Variants in PDE9A observed in about 807,000 individuals in gnomAD.
PDE9A encodes the protein phosphodiesterase 9A.
In PDE9A, 60 loss-of-function variants were observed where a neutral mutation model predicts 87.4. That is an observed-to-expected ratio of 0.69 (90% CI 0.56 to 0.85). The LOEUF (loss-of-function observed/expected upper bound fraction) is 0.85, where lower values mean the gene tolerates loss of function less well. PDE9A is among the 40% of genes least tolerant of loss of function. PDE9A has a pLI of 0.00. For synonymous variants in PDE9A, 272 were observed against 279.4 expected (o/e 0.97, Z 0.27); for missense variants, 665 against 779.0 (o/e 0.85, Z 1.74).
chr21:42,665,582 A>T (rs996859201), intron 1 of PDE9A, among the ~76,000 whole-genome samples: 1 of 151,910 alleles, frequency 6.6e-6, no homozygotes, highest in African/African-American at 2.4e-5. Flanking sequence ...GCCACCCCCG[A>T]CCTTGCTCTG....
chr21:42,755,827 G>A (rs898829995), intron 10 of PDE9A, among the ~76,000 whole-genome samples: 2 of 152,216 alleles, frequency 1.3e-5, no homozygotes, highest in Non-Finnish European at 2.9e-5. Context: ...AAGTCATTTT[G>A]ACCTCAGCCT....
chr21:42,754,188 A>AG (rs1253057974), intron 10 of PDE9A, 124 bp downstream of exon 10: 13 of 607,366 alleles, frequency 2.1e-5, no homozygotes, highest in Non-Finnish European at 2.9e-6. Flanking sequence ...TAAAGACTGA[A>AG]AAAAAAAAAC....
chr21:42,724,488 C>T (rs142968520), intron 4 of PDE9A: 312 of 454,762 alleles, frequency 6.9e-4, no homozygotes, highest in African/African-American at 6.2e-3. Context: ...CTGATCAGGG[C>T]TCTGTTTGTG....
At position 42,769,181 on chromosome 21, in the gene PDE9A, A is replaced by G. The variant is rs202031910; in HGVS notation, c.1590+26A>G. 8.7e-6 allele frequency: 14 copies of G among 1,606,348 alleles called. No individual in the cohort carries two copies. In the African/African-American group the frequency reaches 1.9e-4, roughly 21 times the overall value. On this transcript the variant is annotated intron_variant, in intron 17 of 19. Transcript: ENST00000291539. ...GTGAGTAACTGTCACCACATGTCACACTTGCTTACACTCAGATACATGCAT... is the reference window on the plus strand; with the variant it reads ...GTGAGTAACTGTCACCACATGTCACGCTTGCTTACACTCAGATACATGCAT...
chr21:42,767,899 G>C (rs567917307), intron 15 of PDE9A, among the ~76,000 whole-genome samples: 1 of 152,212 alleles, frequency 6.6e-6, no homozygotes, highest in Non-Finnish European at 1.5e-5. Flanking sequence ...CACCCACCTA[G>C]GGAACAGCAG....
intron 1 of PDE9A, among the ~76,000 whole-genome samples, chr21:42,676,495 A>C (rs1042414332): frequency 1.3e-5 from 2 of 152,194 alleles, no homozygotes; most frequent in Non-Finnish European, 2.9e-5. Context: ...CAATTCCGTC[A>C]TTTCAAGAAT....
At chr21:42,668,907 C>T (rs2058215521) in intron 1 of PDE9A, among the ~76,000 whole-genome samples, 2 of 142,566 alleles carry the variant, frequency 1.4e-5, no homozygotes. Context: ...CACCCCCCGC[C>T]ACGTCCCACG....
chr21:42,775,255 T>C (rs375236213), intron 19 of PDE9A, 25 bp from the exon 20 acceptor site: 21 of 1,611,632 alleles, frequency 1.3e-5, no homozygotes, highest in Non-Finnish European at 1.6e-5. Flanking sequence ...CAAAAACAAA[T>C]CAGTCATCGT....
Position 42,720,796 on chromosome 21 carries a change from G to A in PDE9A, c.263-10974G>A, listed in dbSNP as rs550298667. On this transcript the variant is annotated intron_variant, in intron 4 of 19. Coordinates refer to ENST00000291539, the MANE Select transcript of PDE9A (RefSeq NM_002606.3). Reference sequence around the variant, plus strand: ...CGAGGTGGGCGGATCACCTGAGGTCGGGAGTTCGAGACCAGCCTGGCCAAC... The same window carrying A: ...CGAGGTGGGCGGATCACCTGAGGTCAGGAGTTCGAGACCAGCCTGGCCAAC... 1.7e-4 allele frequency among the ~76,000 whole-genome samples: 26 copies of A among 151,960 alleles called. No individual in the cohort carries two copies. The East Asian group carries it at 2.7e-3, about 16-fold the overall frequency.
chr21:42,755,018 G>T (rs1316688159), intron 10 of PDE9A, among the ~76,000 whole-genome samples: 4 of 152,150 alleles, frequency 2.6e-5, no homozygotes, highest in Non-Finnish European at 5.9e-5. Flanking sequence ...ACAAGAATGG[G>T]GAATTTTTTG....
rs771657672 is a variant in PDE9A, at chr21:42,754,040, C to G, written c.786C>G (p.Asp262Glu). ...AGGCCCTGCGGAAGCCGACCTTTGA[C>G]GTCTGGCTTTGGGAGCCCAATGAGG... Reference protein sequence around the residue: ...TIEALRKPTFDVWLWEPNEML... With the variant: ...TIEALRKPTFEVWLWEPNEML... The change falls in exon 10 of 20, where the codon GAC becomes GAG. Residue 262 changes from aspartate (D) to glutamate (E), a missense_variant. Asp to Glu is a conservative substitution (Grantham distance 45, BLOSUM62 2). Coordinates refer to ENST00000291539, the MANE Select transcript of PDE9A (RefSeq NM_002606.3). The G allele has an allele frequency of 6.2e-7, 1 of 1,612,992 alleles. No homozygotes were observed. Among genetic ancestry groups the G allele is most frequent in the African/African-American group, 1.3e-5 (1 of 74,878 alleles).
intron 4 of PDE9A, among the ~76,000 whole-genome samples, chr21:42,726,552 C>T (rs1001596521): frequency 2.1e-5 from 3 of 141,376 alleles, no homozygotes; most frequent in African/African-American, 8.1e-5. Context: ...ACTACTGAAA[C>T]ACTATTTCCA....
Position 42,692,465 on chromosome 21 carries a change from C to G in PDE9A, c.218+4471C>G, listed in dbSNP as rs191457947. Among the ~76,000 whole-genome samples, 1 of 152,160 alleles carries G rather than the reference C, an allele frequency of 6.6e-6. No homozygotes were observed. The highest frequency in any genetic ancestry group is 2.1e-4 in the South Asian group (1 of 4,822). ...GTCTGAGGTCTCCCCTGTGCTCTGTCGCTGTCCTCTCACCCTCCCCCAATC... is the reference window on the plus strand; with the variant it reads ...GTCTGAGGTCTCCCCTGTGCTCTGTGGCTGTCCTCTCACCCTCCCCCAATC... On this transcript the variant is annotated intron_variant, in intron 3 of 19. Coordinates refer to ENST00000291539, the MANE Select transcript of PDE9A (RefSeq NM_002606.3). The surrounding 1 kb of genome is among the most constrained non-coding windows in gnomAD (Gnocchi z 4.3).
chr21:42,670,730 C>A (rs1017546075), intron 1 of PDE9A, among the ~76,000 whole-genome samples: 1 of 149,370 alleles, frequency 6.7e-6, no homozygotes, highest in Non-Finnish European at 1.5e-5. Flanking sequence ...CAGTCACATA[C>A]ACCCACATTC....
At position 42,759,124 on chromosome 21, in the gene PDE9A, TG is replaced by T. The variant is rs771308155; in HGVS notation, c.897+41del. ...CCGCCTTCGGTTCTTCCTGGGCACGTGGTTTCATCCAGTTCCACAGGAATGG... is the reference window on the plus strand; with the variant it reads ...CCGCCTTCGGTTCTTCCTGGGCACGTGTTTCATCCAGTTCCACAGGAATGG... On this transcript the variant is annotated intron_variant, in intron 11 of 19. Coordinates refer to ENST00000291539, the MANE Select transcript of PDE9A (RefSeq NM_002606.3). The surrounding 1 kb of genome is among the most constrained non-coding windows in gnomAD (Gnocchi z 7.2). 6.8e-7 allele frequency: 1 copy of T among 1,473,094 alleles called. No homozygotes were observed. The highest frequency in any genetic ancestry group is 9.5e-7 in the Non-Finnish European group (1 of 1,052,372). 91.3% of individuals were successfully genotyped at this position (1,473,094 alleles called of 1,614,324 possible).
chr21:42,767,206 C>T (rs1033057647), intron 15 of PDE9A, among the ~76,000 whole-genome samples: 1 of 152,032 alleles, frequency 6.6e-6, no homozygotes, highest in Non-Finnish European at 1.5e-5. Flanking sequence ...AATAGGGAGG[C>T]CTCTGAGGAT....
At chr21:42,752,114 T>C (rs1205977372) in intron 9 of PDE9A, among the ~76,000 whole-genome samples, 1 of 152,134 alleles carries the variant, frequency 6.6e-6, no homozygotes, top group Non-Finnish European at 1.5e-5. Context: ...AGGCCTGGGC[T>C]AAACACAGGT....
chr21:42,766,609 G>A (rs1031772101), intron 15 of PDE9A, among the ~76,000 whole-genome samples: 1 of 152,172 alleles, frequency 6.6e-6, no homozygotes, highest in African/African-American at 2.4e-5. Context: ...CCCAAAGACT[G>A]TGCGAGAGGA....
At chr21:42,676,700 G>A (rs2058861299) in intron 1 of PDE9A, among the ~76,000 whole-genome samples, 1 of 152,146 alleles carries the variant, frequency 6.6e-6, no homozygotes, top group Admixed American at 6.5e-5. Flanking sequence ...CTCTAGTGTG[G>A]GGCAGTGCGT....
Sources: gnomAD v4.1 joint callset for allele counts (sites outside exome capture counted in the v4.1 genomes callset) on GRCh38, gnomAD v4.1.1 for gene constraint, Gnocchi (gnomAD v3.1) non-coding constraint, MANE v1.5 for transcripts, NCBI Gene and HGNC (gene_info 2026-07-23, HGNC 2026-07-21) for gene names.